Variants in STK33 observed in about 807,000 individuals in gnomAD.
STK33 encodes the protein serine/threonine kinase 33.
STK33 carries 52 observed loss-of-function variants against 58.0 expected under a neutral mutation model. The observed-to-expected ratio is 0.90, with a 90% CI of 0.72 to 1.13. The LOEUF (loss-of-function observed/expected upper bound fraction) is 1.13. Ranked by LOEUF, STK33 falls within the 50% of genes most tolerant of loss-of-function variation. The probability of loss-of-function intolerance (pLI) is 0.00; values close to 1 mark genes in which losing one functional copy is unlikely to be tolerated. For missense variants in STK33, 630 were observed against 604.2 expected, an observed-to-expected ratio of 1.04 and a Z score of -0.45; for synonymous variants, 215 against 200.1, an observed-to-expected ratio of 1.07 and a Z score of -0.63.
chr11:8,545,657 A>C (rs542952412), intron 1 of STK33, among the ~76,000 whole-genome samples: 25 of 152,268 alleles, frequency 1.6e-4, no homozygotes, highest in African/African-American at 5.8e-4. Flanking sequence ...AAAGAAGCAG[A>C]CTCATCCTTC....
In STK33 at chr11:8,481,257, T is replaced by C. The variant is rs115744152; in HGVS notation, c.-465-643A>G. Among the ~76,000 whole-genome samples the C allele has an allele frequency of 3.7e-3, 557 of 152,054 alleles. 1 individual carries two copies. The highest frequency in any genetic ancestry group is 0.013 in the African/African-American group (527 of 41,510). Reference sequence around the variant, plus strand: ...GCAAACTTGACAACTCCAAACAGTCTACAACAAAACACCAACAACAGATTC... The same window carrying C: ...GCAAACTTGACAACTCCAAACAGTCCACAACAAAACACCAACAACAGATTC... On this transcript the variant is annotated intron_variant, in intron 1 of 15. Coordinates refer to ENST00000687296, the MANE Select transcript of STK33 (RefSeq NM_001352389.2).
chr11:8,537,645 G>A (rs941488660), intron 1 of STK33, among the ~76,000 whole-genome samples: 13 of 151,792 alleles, frequency 8.6e-5, no homozygotes, highest in African/African-American at 3.1e-4. Flanking sequence ...TGTGGCTCAT[G>A]CCTGTAATCC....
intron 1 of STK33, among the ~76,000 whole-genome samples, chr11:8,563,296 A>C (rs1473690448): frequency 6.6e-6 from 1 of 152,144 alleles, no homozygotes; most frequent in African/African-American, 2.4e-5. Flanking sequence ...TCTGGCAAGA[A>C]GGGATACAAA....
intron 14 of STK33, among the ~76,000 whole-genome samples, chr11:8,421,363 T>C (rs1285235678): frequency 6.6e-6 from 1 of 152,204 alleles, no homozygotes; most frequent in Non-Finnish European, 1.5e-5. Flanking sequence ...TATGGAGAAC[T>C]CTTGATTCCA....
the STK33 span, among the ~76,000 whole-genome samples, chr11:8,365,537 G>A: frequency 6.6e-6 from 1 of 152,216 alleles, no homozygotes; most frequent in Non-Finnish European, 1.5e-5. Context: ...CTTCCAGGGG[G>A]CTGCTGGGAA....
chr11:8,398,715 T>C (rs1163512166), intron 15 of STK33, among the ~76,000 whole-genome samples: 19 of 149,994 alleles, frequency 1.3e-4, no homozygotes, highest in Non-Finnish European at 7.4e-5. Context: ...TTCAGGAAAC[T>C]CATCTCACGT....
At position 8,396,970 on chromosome 11, in the gene STK33, C is replaced by T. The variant is rs533783213; in HGVS notation, c.1345-4260G>A. 2.6e-3 allele frequency among the ~76,000 whole-genome samples: 396 copies of T among 152,326 alleles called. 8 individuals carry two copies. The highest frequency in any genetic ancestry group is 0.023 in the Admixed American group (356 of 15,300). On this transcript the variant is annotated intron_variant, in intron 15 of 15. Coordinates refer to ENST00000687296, the MANE Select transcript of STK33 (RefSeq NM_001352389.2). ...AGGTAAACAAAGTGGCCAGGAAGCT[C>T]GAACTGGGTGGAGCCCACCGCAGCT...
intron 11 of STK33, among the ~76,000 whole-genome samples, chr11:8,441,160 A>C (rs945615570): frequency 6.6e-6 from 1 of 152,184 alleles, no homozygotes; most frequent in Admixed American, 6.6e-5. Context: ...ATTCACAGAA[A>C]AACTAAGGTA....
chr11:8,478,249 T>G (rs946872704), intron 2 of STK33, among the ~76,000 whole-genome samples: 2 of 152,290 alleles, frequency 1.3e-5, no homozygotes, highest in East Asian at 3.9e-4. Context: ...GATTAATAGC[T>G]CTTTTTCTAT....
At chr11:8,407,814 T>A (rs1478656966) in intron 15 of STK33, among the ~76,000 whole-genome samples, 1 of 151,716 alleles carries the variant, frequency 6.6e-6, no homozygotes, top group Non-Finnish European at 1.5e-5. Flanking sequence ...TGGCTAAAGG[T>A]ACAAATTTAC....
intron 15 of STK33, among the ~76,000 whole-genome samples, chr11:8,410,025 T>C (rs566822303): frequency 6.6e-6 from 1 of 152,292 alleles, no homozygotes; most frequent in South Asian, 2.1e-4. Flanking sequence ...TGGGTACATA[T>C]GCCATATTGC....
intron 14 of STK33, among the ~76,000 whole-genome samples, chr11:8,415,968 T>G (rs1268479397): frequency 2.0e-5 from 3 of 152,168 alleles, no homozygotes; most frequent in South Asian, 2.1e-4. Context: ...AGCTCTTCAG[T>G]CCACAAGGCA....
At chr11:8,376,251 G>T in the STK33 span, among the ~76,000 whole-genome samples, 1 of 152,176 alleles carries the variant, frequency 6.6e-6, no homozygotes, top group Non-Finnish European at 1.5e-5. Flanking sequence ...AAGTGACTAT[G>T]ACTTTATGTG....
the STK33 span, among the ~76,000 whole-genome samples, chr11:8,349,476 C>A: frequency 6.6e-6 from 1 of 152,186 alleles, no homozygotes; most frequent in Non-Finnish European, 1.5e-5. Flanking sequence ...AGAATCATCA[C>A]AGGGGCTCTG....
intron 8 of STK33, among the ~76,000 whole-genome samples, chr11:8,458,338 T>C (rs774375795): frequency 1.3e-5 from 2 of 151,858 alleles, no homozygotes; most frequent in Admixed American, 6.6e-5. Flanking sequence ...TTCAGGTTTA[T>C]AGAATTTTTA....
chr11:8,408,712 C>T (rs1590823934), intron 15 of STK33, among the ~76,000 whole-genome samples: 1 of 152,182 alleles, frequency 6.6e-6, no homozygotes, highest in East Asian at 1.9e-4. Flanking sequence ...CAGGACTTGA[C>T]ATTTATATTC....
rs144985866 is a variant in STK33 at position 8,542,744 on chromosome 11, ACT to A, written c.-466+51337_-466+51338del. Reference sequence around the variant, plus strand: ...TTAGTTTGCACTTTTTTTTTAAGACACTCTGTCACCCAGGCTGGAGTGCAGTG... The same window carrying A: ...TTAGTTTGCACTTTTTTTTTAAGACACTGTCACCCAGGCTGGAGTGCAGTG... On this transcript the variant is annotated intron_variant, in intron 1 of 15. Coordinates refer to ENST00000687296, the MANE Select transcript of STK33 (RefSeq NM_001352389.2). Among the ~76,000 whole-genome samples the A allele has an allele frequency of 4.9e-3, 741 of 152,092 alleles. 2 individuals carry two copies. The highest frequency in any genetic ancestry group is 0.014 in the Middle Eastern group (4 of 294).
chr11:8,344,292 G>A, the STK33 span, among the ~76,000 whole-genome samples: 1 of 151,952 alleles, frequency 6.6e-6, no homozygotes, highest in African/African-American at 2.4e-5. Context: ...TGAGCCAGGA[G>A]GATCACTTTA....
intron 15 of STK33, among the ~76,000 whole-genome samples, chr11:8,396,929 T>C (rs1405261289): frequency 3.9e-5 from 6 of 152,188 alleles, no homozygotes; most frequent in Admixed American, 1.3e-4. Flanking sequence ...GCGCCCGCCA[T>C]TGCCGAGGCT....
Sources: gnomAD v4.1 joint callset for allele counts (sites outside exome capture counted in the v4.1 genomes callset) on GRCh38, gnomAD v4.1.1 for gene constraint, MANE v1.5 for transcripts, NCBI Gene and HGNC (gene_info 2026-07-23, HGNC 2026-07-21) for gene names.